RHBG: variants seen among roughly 807,000 people sequenced by gnomAD.
The protein encoded by RHBG is Rh family B glycoprotein.
RHBG carries 39 observed loss-of-function variants against 40.1 expected under a neutral mutation model. That is an observed-to-expected ratio of 0.97 (90% CI 0.75 to 1.27). RHBG has a LOEUF of 1.27. RHBG is among the 50% of genes most tolerant of loss of function. The probability of loss-of-function intolerance (pLI) is 0.00; values close to 1 mark genes in which losing one functional copy is unlikely to be tolerated. For missense variants in RHBG, 549 were observed against 588.1 expected (o/e 0.93, Z 0.69); for synonymous variants, 237 against 252.5 (o/e 0.94, Z 0.58).
At chr1:156,381,635 C>G in intron 5 of RHBG, 122 bp downstream of exon 5, 2 of 1,394,946 alleles carry the variant, frequency 1.4e-6, no homozygotes, top group Non-Finnish European at 1.9e-6. Flanking sequence ...GGGGCTCCAT[C>G]TGTGCTGGTG....
In RHBG at chr1:156,381,894, C is replaced by G; in HGVS notation, c.929C>G (p.Ala310Gly). 1 of 1,608,934 alleles carries G rather than the reference C, an allele frequency of 6.2e-7. No individual in the cohort carries two copies. Among genetic ancestry groups the G allele is most frequent in the Non-Finnish European group, 8.5e-7 (1 of 1,178,928 alleles). ...CTGACACCCTTTGGGGCTCTGGCAG[C>G]TGGCTTCTTGGCTGGGACTGTCTCC... is the stretch of plus-strand genomic sequence containing the variant. Reference protein sequence around the residue: ...MMLTPFGALAAGFLAGTVSTL... With the variant: ...MMLTPFGALAGGFLAGTVSTL... The change falls in exon 6 of 10, where the codon GCT (alanine) becomes GGT (glycine). Residue 310 changes from alanine (A) to glycine (G), a missense_variant. Coordinates refer to ENST00000537040, the MANE Select transcript of RHBG (RefSeq NM_020407.5).
rs760456915 is a variant in RHBG at position 156,382,119 on chromosome 1, C to T, written c.1030C>T (p.Leu344Phe). ...KVQDTCGVHNLHGMPGVLGAL... is the reference protein window; with the variant it reads ...KVQDTCGVHNFHGMPGVLGAL... The stretch of plus-strand genomic sequence containing the variant: ...CCAAGACACATGTGGAGTCCACAAC[C>T]TCCATGGGATGCCGGGGGTCCTGGG... Residue 344 changes from leucine (L) to phenylalanine (F), a missense_variant, in exon 7 of 10, where the codon CTC becomes TTC. Leu to Phe is a conservative substitution (Grantham distance 22). This residue lies in a region of RHBG where 399 missense variants were observed against 417.0 expected (regional missense o/e 0.96). Coordinates refer to ENST00000537040, the MANE Select transcript of RHBG (RefSeq NM_020407.5). 3.7e-6 allele frequency: 6 copies of T among 1,613,990 alleles called. No individual in the cohort carries two copies. In the South Asian group the frequency reaches 6.6e-5, roughly 18 times the overall value.
chr1:156,382,834 C>T lies in RHBG; in HGVS notation c.1199C>T (p.Thr400Ile). Residue 400 changes from threonine to isoleucine, a missense_variant, in exon 8 of 10, where the codon ACA (threonine) becomes ATA (isoleucine). Thr to Ile is a moderately conservative substitution (Grantham distance 89, BLOSUM62 -1). Transcript: ENST00000537040. ...CACCAGCTCTTCGGGCTGTTTGTCA[C>T]ACTGATGTTTGCCTCTGTGGGCGGG... Reference protein sequence around the residue: ...AMHQLFGLFVTLMFASVGGGL... With the variant: ...AMHQLFGLFVILMFASVGGGL... The T allele has an allele frequency of 1.2e-6, 2 of 1,614,250 alleles. No individual in the cohort carries two copies. The highest frequency in any genetic ancestry group is 1.7e-6 in the Non-Finnish European group (2 of 1,180,046).
Position 156,369,407 on chromosome 1 carries a change from C to A in RHBG, c.158C>A (p.Ala53Glu). 1.2e-6 allele frequency: 2 copies of A among 1,613,544 alleles called. No homozygotes were observed. Among genetic ancestry groups the A allele is most frequent in the Non-Finnish European group, 1.7e-6 (2 of 1,179,744 alleles). The change falls in exon 1 of 10, where the codon GCG becomes GAG. Residue 53 changes from alanine (A) to glutamate (E), a missense_variant. By Grantham distance (107) the Ala-to-Glu change is moderately radical. This residue lies in a region of RHBG where 99 missense variants were observed against 85.2 expected (regional missense o/e 1.16). Coordinates refer to ENST00000537040, the MANE Select transcript of RHBG (RefSeq NM_020407.5). Reference protein sequence around the residue: ...ALWHRSNHSNADNEFYFRYPS... With the variant: ...ALWHRSNHSNEDNEFYFRYPS... ...TGGCACCGGAGCAACCACAGTAACG[C>A]GGACAATGAATTTTACTTTCGCTAC...
Position 156,377,207 on chromosome 1 carries a change from G to A in RHBG, c.188-94G>A, listed in dbSNP as rs1667265549. On this transcript the variant is annotated intron_variant, in intron 1 of 9. Transcript: ENST00000537040. This position sits in a 1 kb window ranked among gnomAD's most constrained non-coding sequence, Gnocchi z 4.6. ...GCTCGGCTCAAGGCAGCCCTGGCTG[G>A]TGAGAGCCAGGGGCACTGGCAGGGT... The A allele has an allele frequency of 1.4e-6, 2 of 1,380,576 alleles. No homozygotes were observed. Among genetic ancestry groups the A allele is most frequent in the African/African-American group, 1.4e-5 (1 of 70,188 alleles). 85.5% of individuals were successfully genotyped at this position (1,380,576 alleles called of 1,614,324 possible). A position where few individuals can be genotyped will look rare whatever the true frequency, so the allele number is the denominator to read the frequency against.
chr1:156,385,040 C>T lies in RHBG; in HGVS notation c.*195C>T, dbSNP rs919017744. On this transcript the variant is annotated 3_prime_UTR_variant, in exon 10 of 10. Coordinates refer to ENST00000537040, the MANE Select transcript of RHBG (RefSeq NM_020407.5). ...GCTGGGAAATGGTGGGGAGTGGGGCCGTAACTGGGTACAATAGGGGGAACC... is the reference window on the plus strand; with the variant it reads ...GCTGGGAAATGGTGGGGAGTGGGGCTGTAACTGGGTACAATAGGGGGAACC... The T allele has an allele frequency of 5.1e-5, 28 of 553,504 alleles. No homozygotes were observed. Among genetic ancestry groups the T allele is most frequent in the Admixed American group, 2.4e-4 (8 of 32,938 alleles). The allele number at this position is 553,504 out of a possible 1,614,324, so 34.3% of individuals were successfully genotyped here. A position where few individuals can be genotyped will look rare whatever the true frequency, so the allele number is the denominator to read the frequency against.
At chr1:156,376,089 C>T (rs1667177464) in intron 1 of RHBG, among the ~76,000 whole-genome samples, 1 of 152,014 alleles carries the variant, frequency 6.6e-6, no homozygotes, top group African/African-American at 2.4e-5. Context: ...CAGAGTGGTA[C>T]AGAATAGAAA....
In RHBG at chr1:156,369,418, T is replaced by A; in HGVS notation, c.169T>A (p.Phe57Ile). 1 of 1,612,914 alleles carries A rather than the reference T, an allele frequency of 6.2e-7. No individual in the cohort carries two copies. Among genetic ancestry groups the A allele is most frequent in the Non-Finnish European group, 8.5e-7 (1 of 1,179,472 alleles). The stretch of plus-strand genomic sequence containing the variant: ...CAACCACAGTAACGCGGACAATGAA[T>A]TTTACTTTCGCTACCCAAGTGAGTG... ...RSNHSNADNE[F>I]YFRYPSFQDV... The change falls in exon 1 of 10, where the codon TTT (phenylalanine) becomes ATT (isoleucine). Residue 57 changes from phenylalanine to isoleucine, a missense_variant. Transcript: ENST00000537040.
chr1:156,382,571 T>C, intron 7 of RHBG, 177 bp from the exon 8 acceptor site: 1 of 775,670 alleles, frequency 1.3e-6, no homozygotes, highest in Non-Finnish European at 2.1e-6. Flanking sequence ...TTCCAGGCTG[T>C]GGGCCTGGCT....
intron 4 of RHBG, among the ~76,000 whole-genome samples, chr1:156,380,756 C>T (rs1667567280): frequency 6.8e-6 from 1 of 146,494 alleles, no homozygotes; most frequent in Non-Finnish European, 1.5e-5. Context: ...AAAAATTCAA[C>T]GTTACGTGGT....
In RHBG at chr1:156,377,924, C is replaced by T. The variant is rs1465930285; in HGVS notation, c.375-66C>T. ...ACATCATGCTGTCCTGGCTTCATGC[C>T]AGGCAGGAACCCCGAGGCCAGCCTC... On this transcript the variant is annotated intron_variant, in intron 2 of 9. Transcript: ENST00000537040. The surrounding 1 kb of genome is among the most constrained non-coding windows in gnomAD (Gnocchi z 4.6). The T allele has an allele frequency of 2.0e-5, 29 of 1,481,498 alleles. No individual in the cohort carries two copies. The highest frequency in any genetic ancestry group is 2.6e-5 in the Non-Finnish European group (29 of 1,104,962). 91.8% of individuals were successfully genotyped at this position (1,481,498 alleles called of 1,614,324 possible).
At chr1:156,382,699 T>TC in intron 7 of RHBG, 49 bp from the exon 8 acceptor site, 3 of 1,609,068 alleles carry the variant, frequency 1.9e-6, no homozygotes, top group Non-Finnish European at 2.5e-6. Context: ...CCGGGCTGCA[T>TC]CCCTCTCTCT....
intron 5 of RHBG, 143 bp from the exon 6 acceptor site, chr1:156,381,663 G>C (rs1667645949): frequency 7.2e-7 from 1 of 1,380,138 alleles, no homozygotes; most frequent in African/African-American, 1.5e-5. Flanking sequence ...GATCAGAATG[G>C]GAGGCGATAT....
chr1:156,376,079 C>A (rs1570996484), intron 1 of RHBG, among the ~76,000 whole-genome samples: 1 of 152,086 alleles, frequency 6.6e-6, no homozygotes, highest in Non-Finnish European at 1.5e-5. Context: ...GCTTTTTATT[C>A]AGAGTGGTAC....
intron 8 of RHBG, 24 bp from the exon 9 acceptor site, chr1:156,384,503 C>A: frequency 6.2e-7 from 1 of 1,610,532 alleles, no homozygotes; most frequent in Non-Finnish European, 8.5e-7. Flanking sequence ...AGAAGCCTCA[C>A]AGATCCTCCC....
Position 156,381,406 on chromosome 1 carries a change from G to A in RHBG, c.733G>A (p.Ala245Thr), listed in dbSNP as rs1667624734. The change falls in exon 5 of 10, where the codon GCT becomes ACT. Residue 245 changes from alanine (A) to threonine (T), a missense_variant. By Grantham distance (58) the Ala-to-Thr change is moderately conservative (BLOSUM62 0). Transcript: ENST00000537040. ...CAATGCTGCACTCACAGCGCTGGGGGCTGGGCAGCATCGGACGGCCCTCAA... is the reference window on the plus strand; with the variant it reads ...CAATGCTGCACTCACAGCGCTGGGGACTGGGCAGCATCGGACGGCCCTCAA... Reference protein sequence around the residue: ...SFNAALTALGAGQHRTALNTY... With the variant: ...SFNAALTALGTGQHRTALNTY... 2 of 1,614,048 alleles carry A rather than the reference G, an allele frequency of 1.2e-6. No individual in the cohort carries two copies. The highest frequency in any genetic ancestry group is 1.7e-5 in the Admixed American group (1 of 60,004).
intron 8 of RHBG, chr1:156,384,265 G>A: frequency 1.8e-6 from 1 of 569,320 alleles, no homozygotes; most frequent in Admixed American, 3.2e-5. Flanking sequence ...ACTTCTCTGA[G>A]TCTTGTTTCT....
chr1:156,384,676 T>C, intron 9 of RHBG, 76 bp downstream of exon 9: 2 of 1,542,452 alleles, frequency 1.3e-6, no homozygotes, highest in Non-Finnish European at 1.8e-6. Flanking sequence ...AGTTGCCTTC[T>C]TCCTTCCTTG....
intron 4 of RHBG, 67 bp from the exon 5 acceptor site, chr1:156,381,280 A>G: frequency 6.5e-7 from 1 of 1,534,994 alleles, no homozygotes; most frequent in Non-Finnish European, 9.0e-7. Flanking sequence ...GCCTGCAGTT[A>G]TACAACTTGT....
Sources: allele counts gnomAD v4.1 joint callset (sites outside exome capture counted in the v4.1 genomes callset), GRCh38; gene constraint gnomAD v4.1.1; regional missense constraint gnomAD v4.1.1; non-coding constraint Gnocchi (gnomAD v3.1); transcripts MANE v1.5; gene names NCBI Gene and HGNC (gene_info 2026-07-23, HGNC 2026-07-21).